The following NUBPL variants were observed in gnomAD, a reference collection of about 807,000 sequenced individuals.
The protein encoded by NUBPL is NUBP iron-sulfur cluster assembly factor, mitochondrial, also known as iron-sulfur cluster transfer protein NUBPL.
In NUBPL, 31 loss-of-function variants were observed where a neutral mutation model predicts 45.7. The ratio of observed to expected loss-of-function variants is 0.68; its 90% CI spans 0.51 to 0.92. The LOEUF (loss-of-function observed/expected upper bound fraction) is 0.92, where lower values mean the gene tolerates loss of function less well. Ranked by LOEUF, NUBPL falls within the 40% of genes least tolerant of loss-of-function variation. The probability of loss-of-function intolerance (pLI) is 0.00; values close to 1 mark genes in which losing one functional copy is unlikely to be tolerated. For missense variants in NUBPL, 401 were observed against 398.7 expected (o/e 1.01, Z -0.05); for synonymous variants, 144 against 140.9 (o/e 1.02, Z -0.15).
At chr14:31,677,215 A>G (rs561659296) in intron 6 of NUBPL, among the ~76,000 whole-genome samples, 78 of 152,272 alleles carry the variant, frequency 5.1e-4, no homozygotes, top group African/African-American at 1.8e-3. Flanking sequence ...CTATTTTAAA[A>G]TGTACCATCA....
At chr14:31,693,457 G>A (rs2037136077) in intron 6 of NUBPL, among the ~76,000 whole-genome samples, 1 of 152,016 alleles carries the variant, frequency 6.6e-6, no homozygotes, top group Non-Finnish European at 1.5e-5. Context: ...CAAATTTATG[G>A]TATGATATAT....
chr14:31,771,762 A>G (rs936159896), intron 6 of NUBPL: 1 of 410,826 alleles, frequency 2.4e-6, no homozygotes, highest in Non-Finnish European at 3.3e-6. Context: ...CTCAATAACT[A>G]TTAATTTCCT....
rs181308232 is a variant in NUBPL at position 31,834,369 on chromosome 14, C to T, written c.693+7655C>T. Among the ~76,000 whole-genome samples the T allele has an allele frequency of 5.4e-3, 824 of 151,984 alleles. 7 individuals are homozygous for T. The highest frequency in any genetic ancestry group is 0.03 in the South Asian group (142 of 4,810). On this transcript the variant is annotated intron_variant, in intron 8 of 10. Transcript: ENST00000281081. ...CTAATTTTTGTACTTTTAGTAGAGA[C>T]GGGGTTTCACCGTGTTAGCCAGGAT...
At chr14:31,808,304 A>G (rs1386571787) in intron 7 of NUBPL, among the ~76,000 whole-genome samples, 4 of 152,076 alleles carry the variant, frequency 2.6e-5, no homozygotes, top group Non-Finnish European at 5.9e-5. Flanking sequence ...TTCATTGAGC[A>G]GTGGTTTGTA....
chr14:31,850,900 G>A (rs1018599646), intron 10 of NUBPL, among the ~76,000 whole-genome samples: 21 of 152,124 alleles, frequency 1.4e-4, no homozygotes, highest in Admixed American at 3.9e-4. Context: ...TGAGATTATA[G>A]GCATGAGCCA....
At chr14:31,852,263 G>A (rs1386350929) in intron 10 of NUBPL, among the ~76,000 whole-genome samples, 1 of 152,162 alleles carries the variant, frequency 6.6e-6, no homozygotes, top group Non-Finnish European at 1.5e-5. Context: ...TTCTGAAACT[G>A]CCTGTATAAG....
intron 3 of NUBPL, among the ~76,000 whole-genome samples, chr14:31,593,179 G>A (rs574337812): frequency 3.9e-5 from 6 of 152,238 alleles, no homozygotes; most frequent in Middle Eastern, 3.4e-3. Context: ...ACGAGAGGAT[G>A]TGTACAGGTT....
At chr14:31,563,109 C>T (rs1475269957) in intron 2 of NUBPL, among the ~76,000 whole-genome samples, 1 of 152,094 alleles carries the variant, frequency 6.6e-6, no homozygotes, top group African/African-American at 2.4e-5. Context: ...TTTTTCCTTT[C>T]TTTCCTAAAG....
chr14:31,688,997 AT>A (rs374637209), intron 6 of NUBPL, among the ~76,000 whole-genome samples: 1,710 of 143,214 alleles, frequency 0.012, 21 homozygotes, highest in African/African-American at 0.039. Context: ...ACCTGATCTC[AT>A]TTTTTTTTTT....
At chr14:31,603,299 G>GAAAA (rs529470069) in intron 4 of NUBPL, among the ~76,000 whole-genome samples, 1 of 57,080 alleles carries the variant, frequency 1.8e-5, no homozygotes, top group Non-Finnish European at 3.6e-5. Context: ...GATCCTGTCT[G>GAAAA]AAAAAAAAAA....
intron 3 of NUBPL, among the ~76,000 whole-genome samples, chr14:31,573,253 G>A (rs566066364): frequency 6.6e-6 from 1 of 152,230 alleles, no homozygotes; most frequent in African/African-American, 2.4e-5. Context: ...GTCCATTGTT[G>A]ACTGAAATGT....
chr14:31,823,310 A>G (rs1037899172), intron 7 of NUBPL, among the ~76,000 whole-genome samples: 1 of 152,150 alleles, frequency 6.6e-6, no homozygotes, highest in Non-Finnish European at 1.5e-5. Flanking sequence ...TGATAAAAAG[A>G]TGAAAAAAAT....
At chr14:31,636,420 T>C (rs919180046) in intron 4 of NUBPL, among the ~76,000 whole-genome samples, 3 of 152,232 alleles carry the variant, frequency 2.0e-5, no homozygotes, top group Admixed American at 6.5e-5. Context: ...TTGAACCAGC[T>C]TTGCATCGCA....
At chr14:31,652,214 T>C (rs772746882) in intron 4 of NUBPL, among the ~76,000 whole-genome samples, 5 of 149,116 alleles carry the variant, frequency 3.4e-5, no homozygotes, top group Non-Finnish European at 7.5e-5. Flanking sequence ...AAATATCATG[T>C]GATCTCACTT....
rs549409076 is a variant in NUBPL, at chr14:31,698,957, C to T, written c.513+25383C>T. On this transcript the variant is annotated intron_variant, in intron 6 of 10. Transcript: ENST00000281081. ...GCAACCTCCGCCTCCTGGGTTCAAG[C>T]AATTCTCCTGCCTCAGCCTCCCGAG... Among the ~76,000 whole-genome samples, 5 of 151,884 alleles carry T rather than the reference C, an allele frequency of 3.3e-5. No individual in the cohort carries two copies. The South Asian group carries it at 1.0e-3, about 32-fold the overall frequency.
chr14:31,586,736 T>C (rs374207591), intron 3 of NUBPL, among the ~76,000 whole-genome samples: 19 of 152,276 alleles, frequency 1.2e-4, no homozygotes, highest in African/African-American at 4.6e-4. Flanking sequence ...TGACACTTTC[T>C]ACCTTTCCAG....
chr14:31,608,838 G>A (rs960518283), intron 4 of NUBPL, among the ~76,000 whole-genome samples: 5 of 152,124 alleles, frequency 3.3e-5, no homozygotes, highest in African/African-American at 1.2e-4. Context: ...CCACAGACTG[G>A]TACTGGTTTG....
chr14:31,770,126 T>A (rs923182873), intron 6 of NUBPL, among the ~76,000 whole-genome samples: 5 of 152,194 alleles, frequency 3.3e-5, no homozygotes, highest in African/African-American at 1.2e-4. Flanking sequence ...CATCCTGTAA[T>A]TGCCTGGTGG....
In NUBPL at chr14:31,819,866, C is replaced by T. The variant is rs1029122835; in HGVS notation, c.608-6763C>T. Among the ~76,000 whole-genome samples the T allele has an allele frequency of 3.3e-5, 5 of 152,148 alleles. No homozygotes were observed. In the East Asian group the frequency reaches 7.7e-4, roughly 24 times the overall value. On this transcript the variant is annotated intron_variant, in intron 7 of 10. Coordinates refer to ENST00000281081, the MANE Select transcript of NUBPL (RefSeq NM_025152.3). ...AATGGACAGAGAATTCTTGGCCAGG[C>T]GTGGTGGCTCACACCTGTTATCCCA...
Sources: allele counts gnomAD v4.1 joint callset (sites outside exome capture counted in the v4.1 genomes callset), GRCh38; gene constraint gnomAD v4.1.1; transcripts MANE v1.5; gene names NCBI Gene and HGNC (gene_info 2026-07-23, HGNC 2026-07-21).